UBXN7: variants seen among roughly 807,000 people sequenced by gnomAD.
UBXN7 encodes the protein UBX domain-containing protein 7.
A neutral mutation model predicts 58.0 loss-of-function variants in UBXN7; 9 were observed. The ratio of observed to expected loss-of-function variants is 0.16; its 90% CI spans 0.09 to 0.27. The LOEUF (loss-of-function observed/expected upper bound fraction) is 0.27, where lower values mean the gene tolerates loss of function less well. Among genes scored for constraint, UBXN7 ranks in the 10% least tolerant of loss-of-function variants. The probability of loss-of-function intolerance (pLI) is 1.00; values close to 1 mark genes in which losing one functional copy is unlikely to be tolerated. For synonymous variants in UBXN7, 208 were observed against 205.0 expected, an observed-to-expected ratio of 1.01 and a Z score of -0.12; for missense variants, 328 against 599.6, an observed-to-expected ratio of 0.55 and a Z score of 4.73.
chr3:196,401,294 TATATACACACACACACAC>T (rs1560235376), intron 3 of UBXN7, among the ~76,000 whole-genome samples: 1 of 80,604 alleles, frequency 1.2e-5, no homozygotes, highest in Non-Finnish European at 2.2e-5. Context: ...TATATATATA[TATATACACACACACACAC>T]ACACACACAT....
At chr3:196,401,619 A>G (rs931094195) in intron 3 of UBXN7, among the ~76,000 whole-genome samples, 4 of 150,736 alleles carry the variant, frequency 2.7e-5, no homozygotes, top group African/African-American at 9.7e-5. Flanking sequence ...TTGAGGGTGG[A>G]GGGCGAGGAT....
chr3:196,420,487 C>A (rs1305189588), intron 1 of UBXN7, among the ~76,000 whole-genome samples: 2 of 150,632 alleles, frequency 1.3e-5, no homozygotes, highest in Non-Finnish European at 2.9e-5. Context: ...GCCAAGATTG[C>A]GCCATTGCAC....
chr3:196,387,609 C>G (rs11906885), intron 5 of UBXN7, among the ~76,000 whole-genome samples: 57,502 of 151,934 alleles, frequency 0.38, 11,542 homozygotes, highest in East Asian at 0.83. Context: ...ACAAACAACC[C>G]CATCGAAAAG....
At chr3:196,393,707 A>G in intron 3 of UBXN7, 88 bp from the exon 4 acceptor site, 1 of 1,333,194 alleles carries the variant, frequency 7.5e-7, no homozygotes, top group Non-Finnish European at 1.0e-6. Flanking sequence ...TATTTTTTTA[A>G]TAAAACATAT....
intron 1 of UBXN7, chr3:196,414,829 T>C (rs1273281586): frequency 1.3e-5 from 2 of 152,206 alleles, no homozygotes; most frequent in Non-Finnish European, 2.9e-5. Flanking sequence ...TCTTCCTAAG[T>C]TCTCAGTGGA....
At position 196,393,601 on chromosome 3, in the gene UBXN7, G is replaced by A; in HGVS notation, c.308C>T (p.Pro103Leu). The A allele has an allele frequency of 1.2e-6, 2 of 1,612,692 alleles. No homozygotes were observed. Among genetic ancestry groups the A allele is most frequent in the South Asian group, 2.2e-5 (2 of 90,780 alleles). The change falls in exon 4 of 11, where the codon CCT becomes CTT. Residue 103 changes from proline to leucine, a missense_variant. Physicochemically the swap from Pro to Leu is moderately conservative, Grantham distance 98. Coordinates refer to ENST00000296328, the MANE Select transcript of UBXN7 (RefSeq NM_015562.2). ...GAAACCATCAAAAATTGAACGTGCA[G>A]GCCGTCGTCTTTTAGGAGCTTTGGG... is the stretch of plus-strand genomic sequence containing the variant. ...PLFGAPKRRR[P>L]ARSIFDGFRD...
At chr3:196,375,021 A>G (rs1728968258) in intron 5 of UBXN7, among the ~76,000 whole-genome samples, 1 of 134,192 alleles carries the variant, frequency 7.5e-6, no homozygotes, top group Non-Finnish European at 1.7e-5. Flanking sequence ...GAAGGAAGGA[A>G]GGAAGGAAGG....
At chr3:196,364,133 A>G (rs1212665714) in intron 8 of UBXN7, among the ~76,000 whole-genome samples, 1 of 152,230 alleles carries the variant, frequency 6.6e-6, no homozygotes, top group Non-Finnish European at 1.5e-5. Flanking sequence ...TTATGATAAC[A>G]AGAAATGCAA....
chr3:196,378,793 G>A (rs1176821174), intron 5 of UBXN7, among the ~76,000 whole-genome samples: 1 of 149,034 alleles, frequency 6.7e-6, no homozygotes, highest in Non-Finnish European at 1.5e-5. Flanking sequence ...GGGGGTTTTA[G>A]CCAGCTTCTT....
At chr3:196,409,275 G>A (rs1730252617) in intron 1 of UBXN7, among the ~76,000 whole-genome samples, 2 of 151,694 alleles carry the variant, frequency 1.3e-5, no homozygotes, top group Non-Finnish European at 2.9e-5. Flanking sequence ...ATCATGTTTT[G>A]GAGATCCTTA....
chr3:196,381,761 C>T (rs2108839511), intron 5 of UBXN7, among the ~76,000 whole-genome samples: 1 of 152,284 alleles, frequency 6.6e-6, no homozygotes, highest in Middle Eastern at 3.4e-3. Flanking sequence ...AGATGAATTG[C>T]TAACTAGAAT....
At chr3:196,415,152 T>A (rs1371467544) in intron 1 of UBXN7, among the ~76,000 whole-genome samples, 2 of 145,936 alleles carry the variant, frequency 1.4e-5, no homozygotes, top group Non-Finnish European at 3.0e-5. Flanking sequence ...TTATCATACT[T>A]CTTTTTTTTT....
intron 5 of UBXN7, 27 bp from the exon 6 acceptor site, chr3:196,372,069 T>C (rs371417109): frequency 2.3e-5 from 36 of 1,562,048 alleles, no homozygotes; most frequent in Non-Finnish European, 2.9e-5. Context: ...ACACATTTGT[T>C]AGAAATAATT....
At chr3:196,395,609 T>C (rs1443397227) in intron 3 of UBXN7, among the ~76,000 whole-genome samples, 1 of 151,560 alleles carries the variant, frequency 6.6e-6, no homozygotes, top group Non-Finnish European at 1.5e-5. Flanking sequence ...CATGTTCAGT[T>C]TTTTTGTTTG....
intron 6 of UBXN7, among the ~76,000 whole-genome samples, chr3:196,370,258 GA>G (rs1560221466): frequency 6.8e-6 from 1 of 148,022 alleles, no homozygotes; most frequent in Non-Finnish European, 1.5e-5. Flanking sequence ...GCATCTCCAC[GA>G]GAAGTTTTTT....
At chr3:196,399,872 C>T (rs1020651250) in intron 3 of UBXN7, 3 of 152,204 alleles carry the variant, frequency 2.0e-5, no homozygotes, top group African/African-American at 7.2e-5. Flanking sequence ...TGTTTCTGAA[C>T]TATCAGTCTA....
At chr3:196,404,748 A>G (rs1280213483) in intron 2 of UBXN7, among the ~76,000 whole-genome samples, 1 of 152,232 alleles carries the variant, frequency 6.6e-6, no homozygotes, top group African/African-American at 2.4e-5. Context: ...CAAAAGGATA[A>G]TTCAAAATTA....
chr3:196,417,738 A>C (rs1306674453), intron 1 of UBXN7, among the ~76,000 whole-genome samples: 4 of 147,466 alleles, frequency 2.7e-5, no homozygotes, highest in Admixed American at 2.0e-4. Context: ...AAAAAAAAAA[A>C]AAAAAAAAAA....
Position 196,403,895 on chromosome 3 carries a change from C to G in UBXN7, c.222-876G>C, listed in dbSNP as rs74382237. Among the ~76,000 whole-genome samples, 1,222 of 152,192 alleles carry G rather than the reference C, an allele frequency of 8.0e-3. 12 individuals carry two copies. The highest frequency in any genetic ancestry group is 0.027 in the African/African-American group (1,106 of 41,540). ...CATAGGGTTTACTGATAATCCATCT[C>G]TTCCAATAAGAAAAAACTCATTTAG... On this transcript the variant is annotated intron_variant, in intron 2 of 10. Transcript: ENST00000296328.
Sources: allele counts gnomAD v4.1 joint callset (sites outside exome capture counted in the v4.1 genomes callset), GRCh38; gene constraint gnomAD v4.1.1; transcripts MANE v1.5; gene names NCBI Gene and HGNC (gene_info 2026-07-23, HGNC 2026-07-21).